Variants in VAV3 observed in about 807,000 individuals in gnomAD.
VAV3 encodes the protein vav guanine nucleotide exchange factor 3, also known as guanine nucleotide exchange factor VAV3.
In VAV3, 94 loss-of-function variants were observed where a neutral mutation model predicts 131.2. The ratio of observed to expected loss-of-function variants is 0.72; its 90% CI spans 0.61 to 0.85. VAV3 has a LOEUF of 0.85. Among genes scored for constraint, VAV3 ranks in the 40% least tolerant of loss-of-function variants. The pLI, the probability that VAV3 is intolerant of heterozygous loss-of-function variation, is 0.00. For missense variants in VAV3, 939 were observed against 1,002.7 expected (o/e 0.94, Z 0.86); for synonymous variants, 349 against 342.0 (o/e 1.02, Z -0.22).
intron 2 of VAV3, among the ~76,000 whole-genome samples, chr1:107,855,468 T>C (rs936450776): frequency 3.9e-5 from 6 of 151,994 alleles, no homozygotes; most frequent in African/African-American, 1.4e-4. Flanking sequence ...TGTAGAGATG[T>C]GGTTTTGCCA....
At chr1:107,782,372 A>AT (rs771475136) in intron 2 of VAV3, among the ~76,000 whole-genome samples, 4 of 152,154 alleles carry the variant, frequency 2.6e-5, no homozygotes, top group East Asian at 3.9e-4. Flanking sequence ...CTATAGCTTG[A>AT]TTTTTTTCAT....
chr1:107,801,752 A>C (rs1666836549), intron 2 of VAV3, among the ~76,000 whole-genome samples: 1 of 152,118 alleles, frequency 6.6e-6, no homozygotes, highest in Non-Finnish European at 1.5e-5. Context: ...GTCTCTCTGA[A>C]TCTGCTGTGA....
At chr1:107,813,633 C>G (rs76742805) in intron 2 of VAV3, among the ~76,000 whole-genome samples, 1 of 152,156 alleles carries the variant, frequency 6.6e-6, no homozygotes, top group African/African-American at 2.4e-5. Flanking sequence ...TCTCTTCTAG[C>G]TATTTTGAAA....
chr1:107,887,340 T>TA (rs1339641261), intron 1 of VAV3, among the ~76,000 whole-genome samples: 6 of 152,218 alleles, frequency 3.9e-5, no homozygotes, highest in African/African-American at 1.4e-4. Flanking sequence ...TGCATGTTGT[T>TA]AAAAACAGCA....
chr1:107,786,121 C>T (rs1467166545), intron 2 of VAV3, among the ~76,000 whole-genome samples: 1 of 152,150 alleles, frequency 6.6e-6, no homozygotes, highest in Non-Finnish European at 1.5e-5. Flanking sequence ...ATCAACAAAA[C>T]ATTTCTATGT....
intron 2 of VAV3, among the ~76,000 whole-genome samples, chr1:107,857,128 C>T (rs971988107): frequency 1.6e-4 from 25 of 152,114 alleles, no homozygotes; most frequent in Admixed American, 1.1e-3. Flanking sequence ...TAACATTTGA[C>T]TCAGTGGGCT....
chr1:107,780,592 T>C (rs1427819272), intron 2 of VAV3, among the ~76,000 whole-genome samples: 1 of 152,214 alleles, frequency 6.6e-6, no homozygotes, highest in Non-Finnish European at 1.5e-5. Flanking sequence ...CTTGGCTCAC[T>C]ACAACCTCTG....
At chr1:107,759,784 T>A (rs1570910073) in intron 10 of VAV3, among the ~76,000 whole-genome samples, 1 of 152,272 alleles carries the variant, frequency 6.6e-6, no homozygotes, top group East Asian at 1.9e-4. Context: ...TTTAAAAAGC[T>A]GTACCTTCTA....
chr1:107,777,388 T>C (rs544739805), intron 3 of VAV3, 92 bp from the exon 4 acceptor site: 1 of 1,167,692 alleles, frequency 8.6e-7, no homozygotes, highest in East Asian at 2.4e-5. Context: ...ACTAAATATG[T>C]AAGTTGTCTG....
chr1:107,771,918 T>C (rs1416234155), intron 5 of VAV3, among the ~76,000 whole-genome samples: 2 of 152,228 alleles, frequency 1.3e-5, no homozygotes, highest in East Asian at 1.9e-4. Context: ...TTGCGTTATA[T>C]TCCTCAAACA....
At chr1:107,739,713 C>T (rs1662893558) in intron 15 of VAV3, among the ~76,000 whole-genome samples, 1 of 152,130 alleles carries the variant, frequency 6.6e-6, no homozygotes, top group Admixed American at 6.5e-5. Flanking sequence ...ATATTTTGGC[C>T]ATTATGCCAG....
At chr1:107,696,265 T>C (rs1223436201) in intron 17 of VAV3, among the ~76,000 whole-genome samples, 1 of 152,218 alleles carries the variant, frequency 6.6e-6, no homozygotes, top group Non-Finnish European at 1.5e-5. Context: ...TTAGCATATC[T>C]ATCACCTCAA....
chr1:107,610,093 T>C (rs2101149786), intron 21 of VAV3, 128 bp from the exon 22 acceptor site: 1 of 710,716 alleles, frequency 1.4e-6, no homozygotes, highest in East Asian at 2.6e-5. Flanking sequence ...AACTATCCAT[T>C]GGTAATTTTA....
intron 2 of VAV3, among the ~76,000 whole-genome samples, chr1:107,865,022 G>A (rs1449668517): frequency 1.3e-5 from 2 of 152,126 alleles, no homozygotes; most frequent in East Asian, 3.9e-4. Flanking sequence ...TTTTCCCTCA[G>A]AATTCAATTC....
At chr1:107,770,343 C>T (rs1479085469) in intron 6 of VAV3, among the ~76,000 whole-genome samples, 1 of 151,948 alleles carries the variant, frequency 6.6e-6, no homozygotes, top group Non-Finnish European at 1.5e-5. Context: ...AACTTATGAC[C>T]ATCTGGCATA....
At chr1:107,873,796 C>T (rs536264461) in intron 2 of VAV3, among the ~76,000 whole-genome samples, 2 of 152,212 alleles carry the variant, frequency 1.3e-5, no homozygotes, top group South Asian at 4.1e-4. Flanking sequence ...CAGCCTGATG[C>T]CTGAGAAGGC....
intron 2 of VAV3, among the ~76,000 whole-genome samples, chr1:107,797,152 T>C (rs896853772): frequency 1.3e-5 from 2 of 152,198 alleles, no homozygotes; most frequent in Non-Finnish European, 2.9e-5. Flanking sequence ...AGGAATTATG[T>C]CAATTTTATA....
chr1:107,682,452 T>A (rs2504453), intron 19 of VAV3, among the ~76,000 whole-genome samples: 135,582 of 152,204 alleles, frequency 0.89, 60,419 homozygotes, highest in Middle Eastern at 0.93. Context: ...CAAAGGATAT[T>A]GTCTTGGGAA....
intron 21 of VAV3, among the ~76,000 whole-genome samples, chr1:107,617,221 C>T (rs1653223140): frequency 6.6e-6 from 1 of 152,018 alleles, no homozygotes; most frequent in African/African-American, 2.4e-5. Flanking sequence ...CGCCCTGTAA[C>T]CCAAGTGACT....
Sources: allele counts gnomAD v4.1 joint callset (sites outside exome capture counted in the v4.1 genomes callset), GRCh38; gene constraint gnomAD v4.1.1; transcripts MANE v1.5; gene names NCBI Gene and HGNC (gene_info 2026-07-23, HGNC 2026-07-21).